KDM5A: variants seen among roughly 807,000 people sequenced by gnomAD.
The protein encoded by KDM5A is lysine-specific demethylase 5A.
In KDM5A, 42 loss-of-function variants were observed where a neutral mutation model predicts 193.5. The ratio of observed to expected loss-of-function variants is 0.22; its 90% CI spans 0.17 to 0.28. KDM5A has a LOEUF of 0.28. Among genes scored for constraint, KDM5A ranks in the 10% least tolerant of loss-of-function variants. The probability of loss-of-function intolerance (pLI) is 1.00; values close to 1 mark genes in which losing one functional copy is unlikely to be tolerated. For synonymous variants in KDM5A, 796 were observed against 718.1 expected, an observed-to-expected ratio of 1.11 and a Z score of -1.73; for missense variants, 1,692 against 2,055.1, an observed-to-expected ratio of 0.82 and a Z score of 3.42.
At chr12:341,555 C>A (rs904155234) in intron 10 of KDM5A, among the ~76,000 whole-genome samples, 10 of 151,672 alleles carry the variant, frequency 6.6e-5, no homozygotes, top group African/African-American at 1.9e-4. Context: ...GCCAAAAAAA[C>A]CAGAATAATT....
Position 350,727 on chromosome 12 carries a change from A to G in KDM5A, c.1202T>C (p.Ile401Thr). ...ATATTCCACAATAACATCTTCTTCAATGCTGCTTACCAGCCGCCAAAATTC... is the reference window on the plus strand; with the variant it reads ...ATATTCCACAATAACATCTTCTTCAGTGCTGCTTACCAGCCGCCAAAATTC... ...EKEFWRLVSS[I>T]EEDVIVEYGA... Residue 401 changes from isoleucine (I) to threonine (T), a missense_variant, in exon 10 of 28, where the codon ATT (isoleucine) becomes ACT (threonine). Physicochemically the swap from Ile to Thr is moderately conservative, Grantham distance 89. Coordinates refer to ENST00000399788, the MANE Select transcript of KDM5A (RefSeq NM_001042603.3). 1 of 1,614,092 alleles carries G rather than the reference A, an allele frequency of 6.2e-7. No individual in the cohort carries two copies. Among genetic ancestry groups the G allele is most frequent in the Non-Finnish European group, 8.5e-7 (1 of 1,179,972 alleles).
At chr12:352,389 T>C in intron 8 of KDM5A, 65 bp from the exon 9 acceptor site, 2 of 1,431,728 alleles carry the variant, frequency 1.4e-6, no homozygotes, top group East Asian at 2.3e-5. Flanking sequence ...TTAAGGCTCT[T>C]AGTTACTAAA....
In KDM5A at chr12:283,494, T is replaced by C. The variant is rs927593834; in HGVS notation, c.*1962A>G. On this transcript the variant is annotated 3_prime_UTR_variant, in exon 28 of 28. Transcript: ENST00000399788. ...GTATTAAGAATGAATAAAAAGTAGGTAGTATGAACTTCAGAGAAAACATTT... is the reference window on the plus strand; with the variant it reads ...GTATTAAGAATGAATAAAAAGTAGGCAGTATGAACTTCAGAGAAAACATTT... The C allele has an allele frequency of 3.9e-5, 9 of 232,924 alleles. 1 individual carries two copies. Among genetic ancestry groups the C allele is most frequent in the South Asian group, 1.8e-4 (1 of 5,522 alleles). The allele number at this position is 232,924 out of a possible 1,614,324, so 14.4% of individuals were successfully genotyped here. A position where few individuals can be genotyped will look rare whatever the true frequency, so the allele number is the denominator to read the frequency against.
Position 280,255 on chromosome 12 carries a change from G to C in KDM5A, c.*5201C>G, listed in dbSNP as rs2137347548. 1 of 232,640 alleles carries C rather than the reference G, an allele frequency of 4.3e-6. No individual in the cohort carries two copies. Among genetic ancestry groups the C allele is most frequent in the Middle Eastern group, 1.3e-3 (1 of 786 alleles). The allele number at this position is 232,640 out of a possible 1,614,324, so 14.4% of individuals were successfully genotyped here. On this transcript the variant is annotated 3_prime_UTR_variant, in exon 28 of 28. Transcript: ENST00000399788. Reference sequence around the variant, plus strand: ...TTTCACCATGTTCCAATTAATGGTTGAGCTTTAAATGAAAATATTCTGGAT... The same window carrying C: ...TTTCACCATGTTCCAATTAATGGTTCAGCTTTAAATGAAAATATTCTGGAT...
In KDM5A at chr12:355,381, A is replaced by G. The variant is rs991762690; in HGVS notation, c.779-132T>C. On this transcript the variant is annotated intron_variant, in intron 6 of 27. Coordinates refer to ENST00000399788, the MANE Select transcript of KDM5A (RefSeq NM_001042603.3). ...TTATCTAGAGGTAGATATACTATTT[A>G]TTATCTCTCACTGAAGATGAAGAAC... 6.0e-5 allele frequency: 40 copies of G among 671,008 alleles called. No homozygotes were observed. In the South Asian group the frequency reaches 6.3e-4, roughly 11 times the overall value. 41.6% of individuals were successfully genotyped at this position (671,008 alleles called of 1,614,324 possible).
chr12:388,464 C>T (rs1944675808), intron 1 of KDM5A: 2 of 381,086 alleles, frequency 5.2e-6, no homozygotes, highest in South Asian at 3.9e-5. Flanking sequence ...GAGTTCTTGT[C>T]TAGTAATACC....
At chr12:304,250 C>T (rs899362713) in intron 24 of KDM5A, among the ~76,000 whole-genome samples, 5 of 152,112 alleles carry the variant, frequency 3.3e-5, no homozygotes, top group Admixed American at 1.3e-4. Flanking sequence ...ACCTACCCCT[C>T]CTCCTAAACC....
At chr12:376,704 A>G (rs937364736) in intron 3 of KDM5A, among the ~76,000 whole-genome samples, 1 of 152,194 alleles carries the variant, frequency 6.6e-6, no homozygotes, top group Non-Finnish European at 1.5e-5. Context: ...AGCTGTTCCT[A>G]TTCGGCCATC....
At chr12:298,102 G>T (rs1056552660) in intron 24 of KDM5A, among the ~76,000 whole-genome samples, 1 of 152,214 alleles carries the variant, frequency 6.6e-6, no homozygotes, top group East Asian at 1.9e-4. Context: ...GGGGGAAGGG[G>T]CGGCTGTGGG....
chr12:332,124 A>G (rs191169767), intron 12 of KDM5A, among the ~76,000 whole-genome samples, 186 bp from the exon 13 acceptor site: 1 of 152,350 alleles, frequency 6.6e-6, no homozygotes, highest in Non-Finnish European at 1.5e-5. Flanking sequence ...ATAGTCACTG[A>G]TAATAGATTA....
chr12:374,127 G>C (rs1240895168), intron 3 of KDM5A, among the ~76,000 whole-genome samples: 4 of 152,102 alleles, frequency 2.6e-5, no homozygotes, highest in Non-Finnish European at 5.9e-5. Context: ...TTCAATTCCT[G>C]GATATCCTTG....
intron 3 of KDM5A, among the ~76,000 whole-genome samples, chr12:376,277 T>C (rs1410306232): frequency 6.6e-6 from 1 of 152,208 alleles, no homozygotes; most frequent in African/African-American, 2.4e-5. Flanking sequence ...GCCTCAGCAA[T>C]TGTGGGCACC....
At position 330,054 on chromosome 12, in the gene KDM5A, A is replaced by AGTGT. The variant is rs148451707; in HGVS notation, c.1774-1029_1774-1026dup. Among the ~76,000 whole-genome samples the AGTGT allele has an allele frequency of 3.3e-3, 466 of 142,344 alleles. 2 individuals are homozygous for AGTGT. Among genetic ancestry groups the AGTGT allele is most frequent in the Middle Eastern group, 0.014 (4 of 278 alleles). 93.4% of individuals were successfully genotyped at this position (142,344 alleles called of 152,430 possible). On this transcript the variant is annotated intron_variant, in intron 13 of 27. Transcript: ENST00000399788. Reference sequence around the variant, plus strand: ...AAAGAAAAAACTTTCCAAAGGAAAAAGTGTGTGTGTGTGTGTGTGTGTGTG... The same window carrying AGTGT: ...AAAGAAAAAACTTTCCAAAGGAAAAAGTGTGTGTGTGTGTGTGTGTGTGTGTGTG...
chr12:309,313 G>A (rs1565529206), intron 22 of KDM5A, among the ~76,000 whole-genome samples: 1 of 152,174 alleles, frequency 6.6e-6, no homozygotes, highest in African/African-American at 2.4e-5. Flanking sequence ...TTAAATGTAG[G>A]TTTAGCTCGA....
intron 16 of KDM5A, 62 bp from the exon 17 acceptor site, chr12:322,629 A>G: frequency 6.9e-7 from 1 of 1,443,028 alleles, no homozygotes; most frequent in Non-Finnish European, 9.7e-7. Flanking sequence ...CCATTCTAAA[A>G]TCTTCACCAA....
At chr12:321,886 GA>G (rs200953088) in intron 17 of KDM5A, among the ~76,000 whole-genome samples, 4 of 150,960 alleles carry the variant, frequency 2.6e-5, no homozygotes, top group Non-Finnish European at 4.4e-5. Flanking sequence ...ATATGGCAAT[GA>G]AAAAAAAATC....
intron 1 of KDM5A, among the ~76,000 whole-genome samples, chr12:386,450 CTG>C (rs1255051243): frequency 1.3e-5 from 2 of 152,212 alleles, no homozygotes; most frequent in African/African-American, 2.4e-5. Context: ...TCATTCCTGA[CTG>C]TGAATTTACA....
intron 24 of KDM5A, 101 bp from the exon 25 acceptor site, chr12:297,301 C>T (rs1411456123): frequency 2.2e-6 from 2 of 922,902 alleles, no homozygotes; most frequent in Non-Finnish European, 3.4e-6. Flanking sequence ...TTCTAATATA[C>T]TAAAAATATG....
intron 2 of KDM5A, among the ~76,000 whole-genome samples, chr12:384,705 C>A (rs1944618369): frequency 6.6e-6 from 1 of 152,082 alleles, no homozygotes; most frequent in Admixed American, 6.6e-5. Flanking sequence ...TATTAGCAAC[C>A]AAAACAATTT....
Sources: allele counts gnomAD v4.1 joint callset (sites outside exome capture counted in the v4.1 genomes callset), GRCh38; gene constraint gnomAD v4.1.1; transcripts MANE v1.5; gene names NCBI Gene and HGNC (gene_info 2026-07-23, HGNC 2026-07-21).